The following HNRNPH2 variants were observed in gnomAD, a reference collection of about 807,000 sequenced individuals.
HNRNPH2 encodes the protein FTP-3.
For synonymous variants in HNRNPH2, 128 were observed against 128.2 expected (o/e 1.00, Z 0.01); for missense variants, 115 against 352.9 (o/e 0.33, Z 5.40).
rs781861881 is a variant in HNRNPH2 at position 101,410,885 on chromosome X, GA to G, written c.-53-1042del. On this transcript the variant is annotated intron_variant, in intron 1 of 1. Transcript: ENST00000316594. Reference sequence around the variant, plus strand: ...CCTATTTGTGCTTCATCATAATTAAGAAAAAAAAATGTTTATGGATCCCTGG... The same window carrying G: ...CCTATTTGTGCTTCATCATAATTAAGAAAAAAAATGTTTATGGATCCCTGG... Among the ~76,000 whole-genome samples, 534 of 109,784 alleles carry G rather than the reference GA, an allele frequency of 4.9e-3. 6 individuals are homozygous for G. The highest frequency in any genetic ancestry group is 0.017 in the African/African-American group (518 of 30,265).
Position 101,412,421 on chromosome X carries a change from G to T in HNRNPH2, c.433G>T (p.Val145Leu). 8.3e-7 allele frequency: 1 copy of T among 1,212,121 alleles called. No homozygotes were observed. Residue 145 changes from valine to leucine, a missense_variant, in exon 2 of 2, where the codon GTG (valine) becomes TTG (leucine). Physicochemically the swap from Val to Leu is conservative, Grantham distance 32 (BLOSUM62 1). Coordinates refer to ENST00000316594, the MANE Select transcript of HNRNPH2 (RefSeq NM_019597.5). ...EIVPNGMTLP[V>L]DFQGRSTGEA... ...TGTGCCAAATGGGATGACACTGCCAGTGGACTTTCAGGGGCGAAGCACAGG... is the reference window on the plus strand; with the variant it reads ...TGTGCCAAATGGGATGACACTGCCATTGGACTTTCAGGGGCGAAGCACAGG...
chrX:101,411,313 A>G (rs1328114758), intron 1 of HNRNPH2, among the ~76,000 whole-genome samples: 3 of 107,691 alleles, frequency 2.8e-5, no homozygotes, highest in African/African-American at 1.0e-4. Flanking sequence ...TTGTTGTTTA[A>G]TCTTTTGATC....
At chrX:101,408,428 T>C (rs1928635226) in intron 1 of HNRNPH2, 109 bp downstream of exon 1, 3 of 155,798 alleles carry the variant, frequency 1.9e-5, no homozygotes, top group Admixed American at 1.5e-4. Context: ...CCCTCCCCCC[T>C]CGCGCTCTCT....
At chrX:101,410,152 A>C (rs2147492207) in intron 1 of HNRNPH2, among the ~76,000 whole-genome samples, 1 of 112,666 alleles carries the variant, frequency 8.9e-6, no homozygotes, top group Non-Finnish European at 1.9e-5. Flanking sequence ...TTTTAAAATT[A>C]AATGCATAAT....
In HNRNPH2 at chrX:101,412,002, C is replaced by T. The variant is rs868951743; in HGVS notation, c.14C>T (p.Thr5Met). ...CCAACAATCACCATGATGCTGAGCA[C>T]GGAAGGCAGGGAGGGGTTCGTGGTG... MMLS[T>M]EGREGFVVKV... Residue 5 changes from threonine (T) to methionine (M), a missense_variant, in exon 2 of 2, where the codon ACG becomes ATG. Coordinates refer to ENST00000316594, the MANE Select transcript of HNRNPH2 (RefSeq NM_019597.5). 2 of 1,207,051 alleles carry T rather than the reference C, an allele frequency of 1.7e-6. No individual in the cohort carries two copies. Among genetic ancestry groups the T allele is most frequent in the Admixed American group, 2.2e-5 (1 of 45,411 alleles).
intron 1 of HNRNPH2, among the ~76,000 whole-genome samples, chrX:101,408,645 G>C (rs1419026098): frequency 1.8e-5 from 2 of 111,573 alleles, no homozygotes; most frequent in Admixed American, 9.5e-5. Flanking sequence ...ATAGTGGTCT[G>C]AGTGCTGGTC....
At chrX:101,410,035 G>A (rs1292114812) in intron 1 of HNRNPH2, among the ~76,000 whole-genome samples, 8 of 112,144 alleles carry the variant, frequency 7.1e-5, no homozygotes, top group East Asian at 5.6e-4. Flanking sequence ...CAAAGGGTAT[G>A]GGAACATGTA....
rs1431050301 is a variant in HNRNPH2, at chrX:101,413,879, A to G, written c.*541A>G. The stretch of plus-strand genomic sequence containing the variant: ...GCTGTGTCTACGATTCAAAGTGAAA[A>G]CATTTGGCATGTTTGTTAATTCTAG... On this transcript the variant is annotated 3_prime_UTR_variant, in exon 2 of 2. Coordinates refer to ENST00000316594, the MANE Select transcript of HNRNPH2 (RefSeq NM_019597.5). The G allele has an allele frequency of 8.1e-6, 1 of 123,093 alleles. No individual in the cohort carries two copies. The highest frequency in any genetic ancestry group is 3.3e-5 in the African/African-American group (1 of 30,727). 10.1% of individuals were successfully genotyped at this position (123,093 alleles called of 1,213,427 possible).
rs1555987390 is a variant in HNRNPH2 at position 101,408,326 on chromosome X, G to A, written c.-54+7G>A. On this transcript the variant is annotated splice_region_variant and intron_variant, in intron 1 of 1. Coordinates refer to ENST00000316594, the MANE Select transcript of HNRNPH2 (RefSeq NM_019597.5). The stretch of plus-strand genomic sequence containing the variant: ...TTACCCGGTATCGTTAGAGGTTGGT[G>A]TGTGGGTGGGAACTGGGGACCCAGG... 1 of 216,504 alleles carries A rather than the reference G, an allele frequency of 4.6e-6. No homozygotes were observed. The allele number at this position is 216,504 out of a possible 1,213,427, so 17.8% of individuals were successfully genotyped here.
intron 1 of HNRNPH2, among the ~76,000 whole-genome samples, chrX:101,409,757 A>G (rs1175895082): frequency 8.9e-6 from 1 of 111,849 alleles, no homozygotes. Flanking sequence ...ACGTATATAC[A>G]TGCATGCCAA....
Position 101,412,686 on chromosome X carries a change from G to A in HNRNPH2, c.698G>A (p.Arg233His), listed in dbSNP as rs782017930. Reference protein sequence around the residue: ...GRGAGFERMRRGAYGGGYGGY... With the variant: ...GRGAGFERMRHGAYGGGYGGY... ...GGAGCTGGGTTTGAAAGGATGAGGC[G>A]TGGTGCCTATGGTGGAGGGTATGGA... is the stretch of plus-strand genomic sequence containing the variant. Residue 233 changes from arginine to histidine, a missense_variant, in exon 2 of 2, where the codon CGT (arginine) becomes CAT (histidine). By Grantham distance (29) the Arg-to-His change is conservative. Coordinates refer to ENST00000316594, the MANE Select transcript of HNRNPH2 (RefSeq NM_019597.5). 3 of 1,211,203 alleles carry A rather than the reference G, an allele frequency of 2.5e-6. No individual in the cohort carries two copies. The highest frequency in any genetic ancestry group is 2.2e-6 in the Non-Finnish European group (2 of 894,821).
chrX:101,409,372 C>A, intron 1 of HNRNPH2, among the ~76,000 whole-genome samples: 1 of 112,010 alleles, frequency 8.9e-6, no homozygotes, highest in Middle Eastern at 4.6e-3. Flanking sequence ...TGCTCCCAGA[C>A]CATTTCAGAT....
chrX:101,413,158 C>T lies in HNRNPH2; in HGVS notation c.1170C>T (p.Gly390=), dbSNP rs782414019. The part of the protein sequence containing the change: ...FLNSTAGASG[G]AYGSQMMGGM... ...ATTCTACAGCAGGGGCAAGTGGTGG[C>T]GCTTATGGTAGCCAAATGATGGGAG... Residue 390 remains glycine (G), a synonymous_variant, in exon 2 of 2, where the codon GGC becomes GGT. Coordinates refer to ENST00000316594, the MANE Select transcript of HNRNPH2 (RefSeq NM_019597.5). 1.2e-5 allele frequency: 14 copies of T among 1,209,642 alleles called. No individual in the cohort carries two copies. The highest frequency in any genetic ancestry group is 2.3e-4 in the Middle Eastern group (1 of 4,374).
intron 1 of HNRNPH2, among the ~76,000 whole-genome samples, chrX:101,410,449 C>A (rs1928748425): frequency 8.9e-6 from 1 of 112,187 alleles, no homozygotes; most frequent in African/African-American, 3.2e-5. Flanking sequence ...ACGATTAGTT[C>A]TGATTTTAAC....
In HNRNPH2 at chrX:101,411,962, C is replaced by T. The variant is rs781975859; in HGVS notation, c.-27C>T. On this transcript the variant is annotated 5_prime_UTR_variant, in exon 2 of 2. Coordinates refer to ENST00000316594, the MANE Select transcript of HNRNPH2 (RefSeq NM_019597.5). ...TACACCAAAATTGCATTGAGCCAAACTTGCCACCAAGAGCCCAACAATCAC... is the reference window on the plus strand; with the variant it reads ...TACACCAAAATTGCATTGAGCCAAATTTGCCACCAAGAGCCCAACAATCAC... 6.1e-6 allele frequency: 7 copies of T among 1,154,737 alleles called. No individual in the cohort carries two copies. The African/African-American group carries it at 1.1e-4, about 19-fold the overall frequency.
chrX:101,411,931 T>C lies in HNRNPH2; in HGVS notation c.-53-5T>C. ...TGACAGTAGTCTTCTTTTTTTTTTT[T>C]TCAGCTACACCAAAATTGCATTGAG... is the stretch of plus-strand genomic sequence containing the variant. On this transcript the variant is annotated splice_region_variant and splice_polypyrimidine_tract_variant and intron_variant, in intron 1 of 1. Transcript: ENST00000316594. 8.8e-7 allele frequency: 1 copy of C among 1,136,290 alleles called. No homozygotes were observed. Among genetic ancestry groups the C allele is most frequent in the Non-Finnish European group, 1.2e-6 (1 of 861,447 alleles). The allele number at this position is 1,136,290 out of a possible 1,213,427, so 93.6% of individuals were successfully genotyped here. A position where few individuals can be genotyped will look rare whatever the true frequency, so the allele number is the denominator to read the frequency against.
chrX:101,410,116 C>T (rs1555987887), intron 1 of HNRNPH2, among the ~76,000 whole-genome samples: 1 of 112,247 alleles, frequency 8.9e-6, no homozygotes, highest in African/African-American at 3.2e-5. Context: ...TAAGTAATTT[C>T]TCATGTTATT....
In HNRNPH2 at chrX:101,410,520, C is replaced by T. The variant is rs1410688752; in HGVS notation, c.-53-1416C>T. On this transcript the variant is annotated intron_variant, in intron 1 of 1. Coordinates refer to ENST00000316594, the MANE Select transcript of HNRNPH2 (RefSeq NM_019597.5). ...GATTCCTCTCCTGTATCCTCCTATA[C>T]CTGTATTCTCTCATACTTAATCTGT... Among the ~76,000 whole-genome samples the T allele has an allele frequency of 2.7e-5, 3 of 112,466 alleles. No individual in the cohort carries two copies. In the Admixed American group the frequency reaches 2.8e-4, roughly 11 times the overall value.
At chrX:101,411,655 T>A (rs1311968300) in intron 1 of HNRNPH2, among the ~76,000 whole-genome samples, 1 of 110,276 alleles carries the variant, frequency 9.1e-6, no homozygotes, top group East Asian at 2.8e-4. Flanking sequence ...CCTCAGGTGA[T>A]ACACCCACCT....
Sources: gnomAD v4.1 joint callset for allele counts (sites outside exome capture counted in the v4.1 genomes callset) on GRCh38, gnomAD v4.1.1 for gene constraint, MANE v1.5 for transcripts, NCBI Gene and HGNC (gene_info 2026-07-23, HGNC 2026-07-21) for gene names.